NAAA: variants seen among roughly 807,000 people sequenced by gnomAD.
The protein encoded by NAAA is N-acylethanolamine-hydrolyzing acid amidase.
In NAAA, 39 loss-of-function variants were observed where a neutral mutation model predicts 44.8. That is an observed-to-expected ratio of 0.87 (90% CI 0.67 to 1.14). The LOEUF is 1.14. Ranked by LOEUF, NAAA falls within the 50% of genes most tolerant of loss-of-function variation. The probability of loss-of-function intolerance (pLI) is 0.00; values close to 1 mark genes in which losing one functional copy is unlikely to be tolerated. For synonymous variants in NAAA, 178 were observed against 191.3 expected (o/e 0.93, Z 0.58); for missense variants, 460 against 467.8 (o/e 0.98, Z 0.15).
At position 75,913,841 on chromosome 4, in the gene NAAA, C is replaced by T. The variant is rs1300185226; in HGVS notation, c.*534G>A. The T allele has an allele frequency of 7.1e-6, 7 of 985,112 alleles. No homozygotes were observed. The highest frequency in any genetic ancestry group is 9.4e-5 in the South Asian group (2 of 21,282). The allele number at this position is 985,112 out of a possible 1,614,324, so 61.0% of individuals were successfully genotyped here. A position where few individuals can be genotyped will look rare whatever the true frequency, so the allele number is the denominator to read the frequency against. On this transcript the variant is annotated 3_prime_UTR_variant, in exon 11 of 11. Coordinates refer to ENST00000286733, the MANE Select transcript of NAAA (RefSeq NM_014435.4). ...AAAACGTTAGAAACATTATAAAAAA[C>T]GAGACTCCCATTACATGGAAACACA...
chr4:75,930,124 C>T (rs1022958156), intron 4 of NAAA, among the ~76,000 whole-genome samples: 5 of 151,854 alleles, frequency 3.3e-5, no homozygotes, highest in African/African-American at 4.8e-5. Flanking sequence ...AAACAAAAAC[C>T]CCAAAAAAAC....
intron 3 of NAAA, chr4:75,935,391 C>T (rs912560062): frequency 6.6e-6 from 1 of 152,116 alleles, no homozygotes; most frequent in Non-Finnish European, 1.5e-5. Flanking sequence ...ACTCAATGAA[C>T]ATTGATTAAT....
At chr4:75,935,943 T>C in intron 3 of NAAA, 166 bp downstream of exon 3, 1 of 740,430 alleles carries the variant, frequency 1.4e-6, no homozygotes, top group African/African-American at 1.8e-5. Context: ...GTCCTTCCTA[T>C]AAGCATAATT....
chr4:75,928,526 T>C (rs1201695585), intron 4 of NAAA, among the ~76,000 whole-genome samples: 1 of 151,876 alleles, frequency 6.6e-6, no homozygotes, highest in Non-Finnish European at 1.5e-5. Context: ...CAGATTTGAG[T>C]AGAGGCAGAG....
intron 3 of NAAA, 161 bp downstream of exon 3, chr4:75,935,948 A>G (rs1286121713): frequency 1.3e-6 from 1 of 769,670 alleles, no homozygotes; most frequent in Non-Finnish European, 2.1e-6. Context: ...TCCTATAAGC[A>G]TAATTGATGC....
chr4:75,938,001 C>T (rs894762173), intron 2 of NAAA, among the ~76,000 whole-genome samples: 5 of 152,222 alleles, frequency 3.3e-5, no homozygotes, highest in African/African-American at 9.7e-5. Context: ...ACAGGCTCTG[C>T]TTTGAAAGGC....
At chr4:75,928,063 T>C (rs1726896539) in intron 4 of NAAA, among the ~76,000 whole-genome samples, 1 of 152,238 alleles carries the variant, frequency 6.6e-6, no homozygotes. Flanking sequence ...TTAACTGTAC[T>C]CACCTTGCTG....
chr4:75,934,548 TG>T (rs1727541129), intron 3 of NAAA, among the ~76,000 whole-genome samples: 1 of 151,690 alleles, frequency 6.6e-6, no homozygotes. Flanking sequence ...AGGCTGGTCT[TG>T]AACTCCTGAC....
chr4:75,922,200 A>G (rs1726233361), intron 5 of NAAA, among the ~76,000 whole-genome samples: 1 of 151,990 alleles, frequency 6.6e-6, no homozygotes, highest in Non-Finnish European at 1.5e-5. Flanking sequence ...CAATAACCAT[A>G]AGGCAAGAAA....
chr4:75,931,238 A>G lies in NAAA; in HGVS notation c.565T>C (p.Phe189Leu). 6.2e-7 allele frequency: 1 copy of G among 1,612,782 alleles called. No homozygotes were observed. The highest frequency in any genetic ancestry group is 8.5e-7 in the Non-Finnish European group (1 of 1,178,946). ...GLWTGQSPHK[F>L]TVSGDERDKG... ...CCTCGTTCATCACCAGAAACTGTAA[A>G]CTTGTGTGGGCTCTGGCCAGTCCAT... Residue 189 changes from phenylalanine to leucine, a missense_variant, in exon 4 of 11, where the codon TTT becomes CTT. Physicochemically the swap from Phe to Leu is conservative, Grantham distance 22. Coordinates refer to ENST00000286733, the MANE Select transcript of NAAA (RefSeq NM_014435.4).
chr4:75,912,312 T>TTG (rs1408592230), downstream of NAAA, among the ~76,000 whole-genome samples: 2 of 151,642 alleles, frequency 1.3e-5, no homozygotes, highest in Non-Finnish European at 2.9e-5. Flanking sequence ...CCCAGCACTT[T>TTG]GGGAGGCCAA....
At chr4:75,926,023 G>A (rs953356222) in intron 4 of NAAA, among the ~76,000 whole-genome samples, 1 of 152,156 alleles carries the variant, frequency 6.6e-6, no homozygotes, top group African/African-American at 2.4e-5. Flanking sequence ...ATCAAGGGAA[G>A]TGTCTTAATA....
At chr4:75,919,652 G>C (rs1431756413) in intron 8 of NAAA, 2 of 543,444 alleles carry the variant, frequency 3.7e-6, no homozygotes, top group Non-Finnish European at 3.2e-6. Context: ...CTAATTTTTT[G>C]TATTTTTAGT....
intron 3 of NAAA, chr4:75,935,272 G>GA (rs1727608790): frequency 6.6e-6 from 1 of 152,144 alleles, no homozygotes; most frequent in Non-Finnish European, 1.5e-5. Flanking sequence ...TAGTATTTGT[G>GA]AATCAACCCC....
intron 2 of NAAA, among the ~76,000 whole-genome samples, chr4:75,937,868 A>C (rs1198747346): frequency 6.6e-6 from 1 of 152,162 alleles, no homozygotes; most frequent in Non-Finnish European, 1.5e-5. Flanking sequence ...TACTAAAGCA[A>C]AGTTTGTGGG....
At chr4:75,935,814 G>A (rs77300186) in intron 3 of NAAA, 270 of 452,338 alleles carry the variant, frequency 6.0e-4, no homozygotes, top group Non-Finnish European at 8.5e-4. Context: ...GCATGGGAAA[G>A]CAGAGGAAAG....
chr4:75,940,843 A>C lies in NAAA; in HGVS notation c.107T>G (p.Phe36Cys), dbSNP rs2149297905. 1 of 1,589,974 alleles carries C rather than the reference A, an allele frequency of 6.3e-7. No individual in the cohort carries two copies. The highest frequency in any genetic ancestry group is 2.3e-5 in the East Asian group (1 of 43,650). ...GGGGACCGAGTCCAGGCTCACGTTGAAGCGCGGCGCTGCTGGGGGCGAGGC... is the reference window on the plus strand; with the variant it reads ...GGGGACCGAGTCCAGGCTCACGTTGCAGCGCGGCGCTGCTGGGGGCGAGGC... Reference protein sequence around the residue: ...SAASPPAAPRFNVSLDSVPEL... With the variant: ...SAASPPAAPRCNVSLDSVPEL... Residue 36 changes from phenylalanine to cysteine, a missense_variant, in exon 1 of 11, where the codon TTC becomes TGC. Transcript: ENST00000286733.
At chr4:75,919,004 T>C (rs77264187) in intron 8 of NAAA, among the ~76,000 whole-genome samples, 247 of 151,902 alleles carry the variant, frequency 1.6e-3, no homozygotes, top group African/African-American at 5.7e-3. Context: ...AAAGAATGTC[T>C]GTAGAAAGAA....
intron 9 of NAAA, chr4:75,917,618 G>A (rs553312758): frequency 4.2e-5 from 10 of 239,894 alleles, no homozygotes; most frequent in Admixed American, 1.0e-4. Context: ...GGCGTGCACC[G>A]TCATGCCTGG....
Sources: allele counts gnomAD v4.1 joint callset (sites outside exome capture counted in the v4.1 genomes callset), GRCh38; gene constraint gnomAD v4.1.1; transcripts MANE v1.5; gene names NCBI Gene and HGNC (gene_info 2026-07-23, HGNC 2026-07-21).